KSR2: variants seen among roughly 807,000 people sequenced by gnomAD.
KSR2 encodes kinase suppressor of ras 2.
Under a neutral mutation model 107.8 loss-of-function variants are expected in KSR2, and 25 were observed. The ratio of observed to expected loss-of-function variants is 0.23; its 90% CI spans 0.17 to 0.32. The LOEUF is 0.32. Among genes scored for constraint, KSR2 ranks in the 10% least tolerant of loss-of-function variants. KSR2 has a pLI of 1.00. For missense variants in KSR2, 887 were observed against 1,268.9 expected (o/e 0.70, Z 4.57); for synonymous variants, 480 against 507.0 (o/e 0.95, Z 0.71).
At chr12:117,928,597 T>C (rs1200353742) in intron 1 of KSR2, among the ~76,000 whole-genome samples, 1 of 152,222 alleles carries the variant, frequency 6.6e-6, no homozygotes, top group Non-Finnish European at 1.5e-5. Flanking sequence ...TTCCACCTTT[T>C]AGCTATTGCA....
rs56169273 is a variant in KSR2 at position 117,637,675 on chromosome 12, GTTTTTTTTTTTT to G, written c.1171+29787_1171+29798del. On this transcript the variant is annotated intron_variant, in intron 5 of 19. Coordinates refer to ENST00000339824, the MANE Select transcript of KSR2 (RefSeq NM_173598.6). ...AATGGGACCCAGCAGTCAGTTTTGG[GTTTTTTTTTTTT>G]TTTTTTTTTTTTGAGACAGAGTCTC... Among the ~76,000 whole-genome samples the G allele has an allele frequency of 1.5e-4, 14 of 92,086 alleles. 1 individual carries two copies. The highest frequency in any genetic ancestry group is 5.9e-4 in the African/African-American group (14 of 23,732). The allele number at this position is 92,086 out of a possible 152,430, so 60.4% of individuals were successfully genotyped here. A position where few individuals can be genotyped will look rare whatever the true frequency, so the allele number is the denominator to read the frequency against.
intron 12 of KSR2, among the ~76,000 whole-genome samples, chr12:117,530,574 G>A (rs1875544907): frequency 6.6e-6 from 1 of 152,106 alleles, no homozygotes; most frequent in African/African-American, 2.4e-5. Context: ...TGGAATAATT[G>A]CCCTTTCATT....
At chr12:117,571,611 T>C (rs1878901161) in intron 7 of KSR2, among the ~76,000 whole-genome samples, 1 of 152,112 alleles carries the variant, frequency 6.6e-6, no homozygotes, top group East Asian at 1.9e-4. Context: ...TGGAAGTGGG[T>C]GATGTAAGAC....
At chr12:117,859,063 A>C (rs1351954414) in intron 2 of KSR2, among the ~76,000 whole-genome samples, 2 of 152,034 alleles carry the variant, frequency 1.3e-5, no homozygotes, top group African/African-American at 4.8e-5. Flanking sequence ...GAGAGCGGAC[A>C]TAAGATGTCA....
At chr12:117,593,187 C>T (rs1394355496) in intron 5 of KSR2, among the ~76,000 whole-genome samples, 2 of 152,166 alleles carry the variant, frequency 1.3e-5, no homozygotes, top group African/African-American at 2.4e-5. Context: ...AAGGAAAATG[C>T]TAATTCAAAG....
chr12:117,573,955 T>C (rs1879076626), intron 7 of KSR2, among the ~76,000 whole-genome samples: 1 of 152,208 alleles, frequency 6.6e-6, no homozygotes, highest in East Asian at 1.9e-4. Flanking sequence ...CAGAAGAGCC[T>C]GAAAAACCAT....
intron 4 of KSR2, among the ~76,000 whole-genome samples, chr12:117,751,224 C>T (rs1316785370): frequency 2.6e-5 from 4 of 152,180 alleles, no homozygotes. Context: ...AGGATGTTTG[C>T]TTCCCCCTCT....
At chr12:117,855,625 C>A (rs1209900735) in intron 2 of KSR2, 47 bp from the exon 3 acceptor site, 1 of 1,594,480 alleles carries the variant, frequency 6.3e-7, no homozygotes, top group Admixed American at 1.7e-5. Context: ...GGAACAGCAT[C>A]TCTGCCTCCA....
chr12:117,644,701 T>A (rs926526526), intron 5 of KSR2, among the ~76,000 whole-genome samples: 30 of 152,280 alleles, frequency 2.0e-4, no homozygotes, highest in Non-Finnish European at 3.8e-4. Flanking sequence ...TTCCTGACAC[T>A]CTCTGAAAGT....
chr12:117,490,075 T>C (rs1273398252), intron 14 of KSR2, among the ~76,000 whole-genome samples: 2 of 152,210 alleles, frequency 1.3e-5, no homozygotes, highest in African/African-American at 2.4e-5. Flanking sequence ...AACCCTATTA[T>C]ATCTATTTTA....
chr12:117,795,213 T>C (rs1340067244), intron 3 of KSR2, among the ~76,000 whole-genome samples: 4 of 152,232 alleles, frequency 2.6e-5, no homozygotes, highest in Non-Finnish European at 5.9e-5. Flanking sequence ...TCTTTATTTC[T>C]GGGACCATTT....
chr12:117,553,095 T>C (rs1877424410), intron 9 of KSR2, among the ~76,000 whole-genome samples: 1 of 152,218 alleles, frequency 6.6e-6, no homozygotes, highest in African/African-American at 2.4e-5. Context: ...AAACTGAGGC[T>C]CAGAGAGATT....
At chr12:117,712,413 C>T (rs1001534699) in intron 4 of KSR2, among the ~76,000 whole-genome samples, 2 of 152,142 alleles carry the variant, frequency 1.3e-5, no homozygotes, top group African/African-American at 4.8e-5. Context: ...AGAGGGTCAG[C>T]TGCTGAGACC....
Position 117,485,413 on chromosome 12 carries a change from G to A in KSR2, c.2316+182C>T, listed in dbSNP as rs1012928275. Among the ~76,000 whole-genome samples, 6 of 152,266 alleles carry A rather than the reference G, an allele frequency of 3.9e-5. No individual in the cohort carries two copies. The East Asian group carries it at 5.8e-4, about 15-fold the overall frequency. On this transcript the variant is annotated intron_variant, in intron 15 of 19. Transcript: ENST00000339824. The stretch of plus-strand genomic sequence containing the variant: ...GTGGATAGTTCCTAAAGATCGTATC[G>A]AGGCAGAATTCTTACTTATACATGG...
intron 14 of KSR2, among the ~76,000 whole-genome samples, chr12:117,523,244 C>T (rs969470522): frequency 2.6e-5 from 4 of 152,190 alleles, no homozygotes; most frequent in African/African-American, 9.6e-5. Flanking sequence ...AGATCAAAGA[C>T]ACACCAGCTC....
At chr12:117,778,207 T>A (rs1889762462) in intron 3 of KSR2, among the ~76,000 whole-genome samples, 1 of 152,092 alleles carries the variant, frequency 6.6e-6, no homozygotes. Flanking sequence ...GCTCATGCCT[T>A]AGCCTCCCAA....
chr12:117,886,161 C>T (rs1357275559), intron 1 of KSR2, among the ~76,000 whole-genome samples: 1 of 149,662 alleles, frequency 6.7e-6, no homozygotes, highest in Non-Finnish European at 1.5e-5. Context: ...TATACATGTA[C>T]ATATGTGTAT....
At chr12:117,670,686 A>G (rs1389428334) in intron 4 of KSR2, among the ~76,000 whole-genome samples, 1 of 152,032 alleles carries the variant, frequency 6.6e-6, no homozygotes, top group Non-Finnish European at 1.5e-5. Flanking sequence ...CCACGCAGAT[A>G]TTTCCCTTTG....
At chr12:117,966,623 GCACACACA>G (rs71099095) in intron 1 of KSR2, among the ~76,000 whole-genome samples, 1 of 143,098 alleles carries the variant, frequency 7.0e-6, no homozygotes, top group Admixed American at 7.1e-5. Context: ...ACACGCGCAC[GCACACACA>G]CACACACACA....
Sources: allele counts gnomAD v4.1 joint callset (sites outside exome capture counted in the v4.1 genomes callset), GRCh38; gene constraint gnomAD v4.1.1; transcripts MANE v1.5; gene names NCBI Gene and HGNC (gene_info 2026-07-23, HGNC 2026-07-21).